CAPS2: variants seen among roughly 807,000 people sequenced by gnomAD.
CAPS2 encodes calcyphosin-2.
In CAPS2, 98 loss-of-function variants were observed where a neutral mutation model predicts 86.5. That is an observed-to-expected ratio of 1.13 (90% CI 0.96 to 1.34). The LOEUF is 1.34. Among genes scored for constraint, CAPS2 ranks in the 40% most tolerant of loss-of-function variants. CAPS2 has a pLI of 0.00. For synonymous variants in CAPS2, 210 were observed against 225.1 expected, an observed-to-expected ratio of 0.93 and a Z score of 0.60; for missense variants, 729 against 686.8, an observed-to-expected ratio of 1.06 and a Z score of -0.69.
intron 1 of CAPS2, among the ~76,000 whole-genome samples, chr12:75,353,167 C>A (rs1232338135): frequency 9.9e-5 from 15 of 151,858 alleles, no homozygotes; most frequent in East Asian, 9.7e-4. Flanking sequence ...AAAGGTGATA[C>A]AAACAAGAAA....
intron 1 of CAPS2, among the ~76,000 whole-genome samples, chr12:75,349,345 A>G (rs186078430): frequency 1.4e-4 from 22 of 152,364 alleles, no homozygotes; most frequent in African/African-American, 5.3e-4. Flanking sequence ...CAGAATTTTA[A>G]GAAAAGAACA....
At chr12:75,315,302 T>A (rs1201627275) in intron 6 of CAPS2, among the ~76,000 whole-genome samples, 1 of 152,180 alleles carries the variant, frequency 6.6e-6, no homozygotes, top group African/African-American at 2.4e-5. Context: ...TATATCAAAA[T>A]AAGCCTGAAT....
intron 1 of CAPS2, among the ~76,000 whole-genome samples, chr12:75,369,127 G>A (rs1363526928): frequency 6.6e-6 from 1 of 151,826 alleles, no homozygotes; most frequent in African/African-American, 2.4e-5. Flanking sequence ...GAGTCAGATG[G>A]TTTAACTCAA....
At chr12:75,320,483 G>A (rs966313795) in intron 5 of CAPS2, among the ~76,000 whole-genome samples, 4 of 151,944 alleles carry the variant, frequency 2.6e-5, no homozygotes, top group African/African-American at 9.7e-5. Context: ...TTATATTTGG[G>A]TCTGGAAAAA....
downstream of CAPS2, chr12:75,277,155 TTAATAC>T (rs1381147302): frequency 1.0e-6 from 1 of 982,844 alleles, no homozygotes; most frequent in African/African-American, 1.8e-5. Context: ...AAGATTAAGA[TTAATAC>T]TAAGAGTATG....
intron 4 of CAPS2, among the ~76,000 whole-genome samples, chr12:75,322,113 A>C (rs1269370395): frequency 6.6e-6 from 1 of 152,168 alleles, no homozygotes; most frequent in East Asian, 1.9e-4. Context: ...AGGAAATAAA[A>C]GTTTTACTTA....
chr12:75,291,938 A>G, intron 12 of CAPS2, 118 bp from the exon 13 acceptor site: 1 of 387,496 alleles, frequency 2.6e-6, no homozygotes, highest in Middle Eastern at 5.6e-4. Context: ...AACTTGGAAG[A>G]GTGCTTAGAA....
intron 1 of CAPS2, among the ~76,000 whole-genome samples, chr12:75,378,647 C>T (rs1446851928): frequency 3.9e-5 from 6 of 152,160 alleles, no homozygotes; most frequent in African/African-American, 1.4e-4. Context: ...AAAACTCAGT[C>T]TTTGTACTTA....
At chr12:75,344,834 A>G (rs1373242693) in intron 1 of CAPS2, among the ~76,000 whole-genome samples, 1 of 152,130 alleles carries the variant, frequency 6.6e-6, no homozygotes, top group Non-Finnish European at 1.5e-5. Flanking sequence ...GAATAAAAGT[A>G]GCGTTTAGTC....
At chr12:75,370,126 AC>A in intron 1 of CAPS2, 4 of 1,608,016 alleles carry the variant, frequency 2.5e-6, no homozygotes, top group Non-Finnish European at 3.4e-6. Flanking sequence ...ACCTCAGCAG[AC>A]AGCCTTTAAT....
chr12:75,304,737 T>C lies in CAPS2; in HGVS notation c.779+20A>G. Reference sequence around the variant, plus strand: ...TAGAACATAGTGCATCCTCATTTTATGTAATTAAAATCTTCTTACTTTGTT... The same window carrying C: ...TAGAACATAGTGCATCCTCATTTTACGTAATTAAAATCTTCTTACTTTGTT... On this transcript the variant is annotated intron_variant, in intron 8 of 16. Transcript: ENST00000393284. The C allele has an allele frequency of 1.3e-6, 2 of 1,534,434 alleles. No homozygotes were observed. Among genetic ancestry groups the C allele is most frequent in the Middle Eastern group, 1.8e-4 (1 of 5,552 alleles).
At chr12:75,278,551 T>A in exon 17 of CAPS2, 1 of 1,003,556 alleles carries the variant, frequency 1.0e-6, no homozygotes, top group African/African-American at 1.7e-5. Context: ...CCATATTGTT[T>A]GATGCAGATG....
At chr12:75,351,830 A>G (rs1218760143) in intron 1 of CAPS2, among the ~76,000 whole-genome samples, 1 of 152,186 alleles carries the variant, frequency 6.6e-6, no homozygotes, top group Admixed American at 6.5e-5. Flanking sequence ...TACAGGCATG[A>G]GCCATCGTGC....
At chr12:75,281,404 T>C (rs2033919133) in intron 16 of CAPS2, among the ~76,000 whole-genome samples, 1 of 151,960 alleles carries the variant, frequency 6.6e-6, no homozygotes, top group Admixed American at 6.6e-5. Context: ...AGTATATTGA[T>C]TCATAAAAAG....
chr12:75,290,659 T>A (rs1480261248), intron 13 of CAPS2, among the ~76,000 whole-genome samples: 1 of 152,140 alleles, frequency 6.6e-6, no homozygotes, highest in Non-Finnish European at 1.5e-5. Flanking sequence ...TTCATGACTA[T>A]AATCCCAGCA....
In CAPS2 at chr12:75,303,659, G is replaced by A. The variant is rs189123570; in HGVS notation, c.779+1098C>T. Among the ~76,000 whole-genome samples, 16 of 152,210 alleles carry A rather than the reference G, an allele frequency of 1.1e-4. No homozygotes were observed. The East Asian group carries it at 3.1e-3, about 29-fold the overall frequency. ...TTTAGATGTGTGGTACATAAATGAC[G>A]ACCTCCTCTGGCCCAACATGTCTAC... On this transcript the variant is annotated intron_variant, in intron 8 of 16. Coordinates refer to ENST00000393284, the Ensembl canonical transcript of CAPS2.
intron 11 of CAPS2, 34 bp downstream of exon 11, chr12:75,298,653 G>A (rs1565824658): frequency 2.6e-6 from 4 of 1,523,532 alleles, no homozygotes; most frequent in Non-Finnish European, 3.6e-6. Context: ...CCACCATCTG[G>A]TATTAAATGT....
intron 1 of CAPS2, among the ~76,000 whole-genome samples, chr12:75,381,456 T>C (rs570827471): frequency 6.9e-4 from 105 of 151,852 alleles, no homozygotes; most frequent in Non-Finnish European, 1.1e-3. Context: ...AATCTAGTTA[T>C]ATACACTCCA....
intron 2 of CAPS2, 73 bp from the exon 4 acceptor site, chr12:75,323,295 C>T (rs754561557): frequency 1.0e-4 from 129 of 1,234,802 alleles, no homozygotes; most frequent in Admixed American, 1.3e-4. Context: ...TTATATGTTA[C>T]ATGTTTTATA....
Sources: allele counts gnomAD v4.1 joint callset (sites outside exome capture counted in the v4.1 genomes callset), GRCh38; gene constraint gnomAD v4.1.1; transcripts MANE v1.5; gene names NCBI Gene and HGNC (gene_info 2026-07-23, HGNC 2026-07-21).